The following KANK2 variants were observed in gnomAD, a reference collection of about 807,000 sequenced individuals.
The protein encoded by KANK2 is KN motif and ankyrin repeat domain-containing protein 2.
In KANK2, 41 loss-of-function variants were observed where a neutral mutation model predicts 74.6. The ratio of observed to expected loss-of-function variants is 0.55; its 90% CI spans 0.43 to 0.71. The LOEUF (loss-of-function observed/expected upper bound fraction) is 0.71, where lower values mean the gene tolerates loss of function less well. Ranked by LOEUF, KANK2 falls within the 30% of genes least tolerant of loss-of-function variation. The probability of loss-of-function intolerance (pLI) is 0.00; values close to 1 mark genes in which losing one functional copy is unlikely to be tolerated. For synonymous variants in KANK2, 537 were observed against 519.0 expected (o/e 1.03, Z -0.47); for missense variants, 1,148 against 1,196.4 (o/e 0.96, Z 0.60).
chr19:11,191,293 G>A (rs1311484570), intron 4 of KANK2, among the ~76,000 whole-genome samples: 1 of 152,074 alleles, frequency 6.6e-6, no homozygotes, highest in Admixed American at 6.6e-5. Context: ...CACCTGCCTT[G>A]GCCTCCAAAG....
At chr19:11,190,565 C>T (rs1051350151) in intron 4 of KANK2, among the ~76,000 whole-genome samples, 4 of 152,110 alleles carry the variant, frequency 2.6e-5, no homozygotes, top group African/African-American at 9.7e-5. Flanking sequence ...TAACCGTGTG[C>T]ATTAATTCAT....
intron 6 of KANK2, among the ~76,000 whole-genome samples, chr19:11,177,227 C>T (rs147225311): frequency 3.4e-4 from 51 of 151,270 alleles, no homozygotes; most frequent in African/African-American, 1.2e-3. Context: ...CCTGGGACTA[C>T]AGGTTTGCAC....
chr19:11,192,437 T>C (rs1301840530), intron 4 of KANK2: 2 of 189,384 alleles, frequency 1.1e-5, no homozygotes, highest in Non-Finnish European at 2.2e-5. Context: ...CATTCTTTTT[T>C]TTTTTTTTTT....
At position 11,170,086 on chromosome 19, in the gene KANK2, G is replaced by C. The variant is rs1444107043; in HGVS notation, c.2374C>G (p.Leu792Val). 6 of 1,613,542 alleles carry C rather than the reference G, an allele frequency of 3.7e-6. No homozygotes were observed. The highest frequency in any genetic ancestry group is 5.1e-6 in the Non-Finnish European group (6 of 1,179,904). Residue 792 changes from leucine (L) to valine (V), a missense_variant, in exon 11 of 13, where the codon CTG (leucine) becomes GTG (valine). Transcript: ENST00000586659. This position sits in a 1 kb window ranked among gnomAD's most constrained non-coding sequence, Gnocchi z 5.2. ...HGHKEIAGLL[L>V]AVPSCDISLT... Reference sequence around the variant, plus strand: ...GAGATGTCACAGCTGGGCACGGCCAGCAGCAGCCCCGCGATCTCCTTGTGG... The same window carrying C: ...GAGATGTCACAGCTGGGCACGGCCACCAGCAGCCCCGCGATCTCCTTGTGG...
chr19:11,193,219 G>A lies in KANK2; in HGVS notation c.861C>T (p.Ala287=). The A allele has an allele frequency of 3.1e-6, 5 of 1,609,518 alleles. No homozygotes were observed. The highest frequency in any genetic ancestry group is 4.2e-6 in the Non-Finnish European group (5 of 1,179,826). The change falls in exon 4 of 13, where the codon GCC becomes GCT. Residue 287 remains alanine, a synonymous_variant. Coordinates refer to ENST00000586659, the MANE Select transcript of KANK2 (RefSeq NM_001136191.3). The surrounding 1 kb of genome is among the most constrained non-coding windows in gnomAD (Gnocchi z 9.6). ...GMPDGEAALA[A]KVAVLETQLK... The stretch of plus-strand genomic sequence containing the variant: ...GCTGGGTCTCCAGCACAGCGACCTT[G>A]GCGGCGAGGGCAGCCTCCCCATCAG...
intron 6 of KANK2, among the ~76,000 whole-genome samples, chr19:11,178,121 C>G (rs979317139): frequency 1.3e-5 from 2 of 152,188 alleles, no homozygotes; most frequent in African/African-American, 4.8e-5. Flanking sequence ...ACCTTGAGCT[C>G]TTGAGCCAGG....
At chr19:11,197,342 T>C (rs1600830866) in intron 1 of KANK2, 143 bp downstream of exon 1, 1 of 116,110 alleles carries the variant, frequency 8.6e-6, no homozygotes, top group Non-Finnish European at 1.7e-5. Context: ...AAGGTGGAGT[T>C]GGAGGCAGCG....
At chr19:11,179,581 T>C (rs1303719315) in intron 4 of KANK2, among the ~76,000 whole-genome samples, 3 of 150,830 alleles carry the variant, frequency 2.0e-5, no homozygotes, top group Non-Finnish European at 4.4e-5. Flanking sequence ...GAGGTTGCAG[T>C]GAGCAGAGAT....
chr19:11,174,336 C>T, intron 9 of KANK2, 137 bp downstream of exon 9: 1 of 710,914 alleles, frequency 1.4e-6, no homozygotes, highest in Admixed American at 2.2e-5. Flanking sequence ...GAGGTGTTCC[C>T]TCTATTATAC....
intron 4 of KANK2, among the ~76,000 whole-genome samples, chr19:11,182,685 T>C (rs1314250636): frequency 1.3e-5 from 2 of 149,600 alleles, no homozygotes; most frequent in East Asian, 4.0e-4. Flanking sequence ...CTACTAAAAA[T>C]ATAAAAAATT....
rs1219888539 is a variant in KANK2, at chr19:11,192,911, G to A, written c.1169C>T (p.Pro390Leu). 6.2e-7 allele frequency: 1 copy of A among 1,613,998 alleles called. No individual in the cohort carries two copies. Among genetic ancestry groups the A allele is most frequent in the African/African-American group, 1.3e-5 (1 of 74,920 alleles). Residue 390 changes from proline (P) to leucine (L), a missense_variant, in exon 4 of 13, where the codon CCA (proline) becomes CTA (leucine). Pro to Leu is a moderately conservative substitution (Grantham distance 98, BLOSUM62 -3). Transcript: ENST00000586659. ...GTTGCTGGTAGCTGCAGCGGGCACT[G>A]GGCACATTGTCTCCACCACCTCCTG... ...RSQEVVETMC[P>L]VPAAATSNVH...
Position 11,193,791 on chromosome 19 carries a change from G to A in KANK2, c.289C>T (p.His97Tyr), listed in dbSNP as rs752762747. Reference protein sequence around the residue: ...LCSNASGDSRHSAYSYCGRGF... With the variant: ...LCSNASGDSRYSAYSYCGRGF... ...CGGCCGCAGTAGGAATAGGCTGAGTGGCGGCTGTCCCCACTGGCATTGGAG... is the reference window on the plus strand; with the variant it reads ...CGGCCGCAGTAGGAATAGGCTGAGTAGCGGCTGTCCCCACTGGCATTGGAG... The change falls in exon 4 of 13, where the codon CAC becomes TAC. Residue 97 changes from histidine (H) to tyrosine (Y), a missense_variant. By Grantham distance (83) the His-to-Tyr change is moderately conservative. Transcript: ENST00000586659. This position sits in a 1 kb window ranked among gnomAD's most constrained non-coding sequence, Gnocchi z 9.6. The A allele has an allele frequency of 3.1e-6, 5 of 1,612,712 alleles. No homozygotes were observed. The highest frequency in any genetic ancestry group is 4.2e-6 in the Non-Finnish European group (5 of 1,179,700).
rs754387207 is a variant in KANK2, at chr19:11,176,593, G to A, written c.1745C>T (p.Thr582Met). 77 of 1,592,224 alleles carry A rather than the reference G, an allele frequency of 4.8e-5. No homozygotes were observed. Among genetic ancestry groups the A allele is most frequent in the Middle Eastern group, 1.7e-4 (1 of 5,972 alleles). The change falls in exon 7 of 13, where the codon ACG becomes ATG. Residue 582 changes from threonine to methionine, a missense_variant. By Grantham distance (81) the Thr-to-Met change is moderately conservative. Transcript: ENST00000586659. ...GAAAACTGACCTGATCTCCTCCTCC[G>A]TGTTTGATCCTGATGCCCCCTCAGC... Reference protein sequence around the residue: ...PTAEGASGSNTEEEIRMELSP... With the variant: ...PTAEGASGSNMEEEIRMELSP...
At chr19:11,168,868 C>G (rs530811738) in intron 12 of KANK2, among the ~76,000 whole-genome samples, 1 of 152,166 alleles carries the variant, frequency 6.6e-6, no homozygotes, top group Non-Finnish European at 1.5e-5. Context: ...TGACTTTATC[C>G]TTAGCGTGAA....
rs1243380800 is a variant in KANK2 at position 11,178,281 on chromosome 19, G to A, written c.1520+64C>T. On this transcript the variant is annotated intron_variant, in intron 6 of 12. Coordinates refer to ENST00000586659, the MANE Select transcript of KANK2 (RefSeq NM_001136191.3). ...AGAATGAGGTAATTAGGAGGCTCTC[G>A]TGCGTGGATGAATGGAGGAGGGGCG... 1.6e-5 allele frequency: 19 copies of A among 1,167,372 alleles called. No individual in the cohort carries two copies. In the East Asian group the frequency reaches 3.9e-4, roughly 24 times the overall value. The allele number at this position is 1,167,372 out of a possible 1,614,324, so 72.3% of individuals were successfully genotyped here. A position where few individuals can be genotyped will look rare whatever the true frequency, so the allele number is the denominator to read the frequency against.
intron 1 of KANK2, 134 bp from the exon 2 acceptor site, chr19:11,195,954 G>C (rs1330929344): frequency 7.1e-6 from 1 of 140,122 alleles, no homozygotes; most frequent in Admixed American, 7.1e-5. Flanking sequence ...GAGCAAGCGG[G>C]ATTGGAGCAG....
At chr19:11,194,231 T>C (rs1181017736) in intron 3 of KANK2, among the ~76,000 whole-genome samples, 189 bp from the exon 4 acceptor site, 1 of 152,014 alleles carries the variant, frequency 6.6e-6, no homozygotes, top group East Asian at 1.9e-4. Context: ...GGCGCTAGGC[T>C]ATGTCGCCTC....
intron 12 of KANK2, among the ~76,000 whole-genome samples, chr19:11,168,832 G>C (rs1600804471): frequency 6.6e-6 from 1 of 152,148 alleles, no homozygotes; most frequent in South Asian, 2.1e-4. Flanking sequence ...GCACTATGAA[G>C]GTTCAGCAAG....
chr19:11,169,633 T>A (rs2078115490), intron 12 of KANK2: 1 of 581,528 alleles, frequency 1.7e-6, no homozygotes, highest in African/African-American at 1.9e-5. Flanking sequence ...AAACCCCGTC[T>A]CTACTAAAAA....
Sources: gnomAD v4.1 joint callset for allele counts (sites outside exome capture counted in the v4.1 genomes callset) on GRCh38, gnomAD v4.1.1 for gene constraint, Gnocchi (gnomAD v3.1) non-coding constraint, MANE v1.5 for transcripts, NCBI Gene and HGNC (gene_info 2026-07-23, HGNC 2026-07-21) for gene names.